XG: variants seen among roughly 807,000 people sequenced by gnomAD.
XG encodes Xg glycoprotein (Xg blood group), also known as glycoprotein Xg.
In XG, 24 loss-of-function variants were observed where a neutral mutation model predicts 25.7. The observed-to-expected ratio is 0.93, with a 90% CI of 0.68 to 1.31. XG has a LOEUF of 1.31. XG is among the 40% of genes most tolerant of loss of function. XG has a pLI of 0.00. For synonymous variants in XG, 77 were observed against 69.2 expected, an observed-to-expected ratio of 1.11 and a Z score of -0.56; for missense variants, 181 against 187.6, an observed-to-expected ratio of 0.96 and a Z score of 0.21.
intron 1 of XG, among the ~76,000 whole-genome samples, chrX:2,755,161 C>T (rs73630857): frequency 0.012 from 1,877 of 152,186 alleles, 34 homozygotes; most frequent in African/African-American, 0.041. Flanking sequence ...TCTTGGATCT[C>T]GCTCCATAAA....
In XG at chrX:2,792,356, T is replaced by A. The variant is rs148439244; in HGVS notation, c.254-2179T>A. Among the ~76,000 whole-genome samples, 621 of 110,198 alleles carry A rather than the reference T, an allele frequency of 5.6e-3. 7 individuals are homozygous for A. The highest frequency in any genetic ancestry group is 0.018 in the African/African-American group (554 of 30,289). On this transcript the variant is annotated intron_variant, in intron 5 of 10. Coordinates refer to ENST00000644266, the MANE Select transcript of XG (RefSeq NM_001141919.2). ...CCTTTTTTATTATTTTTTCTTTGAG[T>A]CAGGGACTTGCTTGGTTGCCTAGGC...
chrX:2,763,180 AT>A (rs1040477234), intron 1 of XG, among the ~76,000 whole-genome samples: 2 of 151,928 alleles, frequency 1.3e-5, no homozygotes, highest in Non-Finnish European at 2.9e-5. Flanking sequence ...CCACGCCCAC[AT>A]TTTTGTATTT....
At chrX:2,807,880 G>A (rs1414130054) in intron 8 of XG, among the ~76,000 whole-genome samples, 2 of 111,875 alleles carry the variant, frequency 1.8e-5, no homozygotes, top group African/African-American at 6.5e-5. Flanking sequence ...GTGTCCATGG[G>A]GTTGTCAGCC....
intron 3 of XG, among the ~76,000 whole-genome samples, chrX:2,778,583 G>T (rs2051051639): frequency 6.6e-6 from 1 of 152,026 alleles, no homozygotes; most frequent in Non-Finnish European, 1.5e-5. Context: ...GAAAACCGTA[G>T]CTCAGAGACA....
chrX:2,779,370 T>A (rs1264549675), intron 3 of XG, among the ~76,000 whole-genome samples: 4 of 150,278 alleles, frequency 2.7e-5, no homozygotes, highest in African/African-American at 9.8e-5. Context: ...AAAAATGGGT[T>A]AGCCTATGTC....
In XG at chrX:2,814,604, G is replaced by C; in HGVS notation, c.*224G>C. 2.5e-6 allele frequency: 1 copy of C among 396,960 alleles called. No individual in the cohort carries two copies. Among genetic ancestry groups the C allele is most frequent in the Non-Finnish European group, 4.2e-6 (1 of 239,526 alleles). The allele number at this position is 396,960 out of a possible 1,213,427, so 32.7% of individuals were successfully genotyped here. A position where few individuals can be genotyped will look rare whatever the true frequency, so the allele number is the denominator to read the frequency against. ...CAGCTAGACCCTGCGTTCTAAAAAA[G>C]GATTGCTTGCAATGTTGGTTTGGCT... On this transcript the variant is annotated 3_prime_UTR_variant, in exon 11 of 11. Transcript: ENST00000644266.
intron 3 of XG, among the ~76,000 whole-genome samples, chrX:2,778,514 C>T (rs947347238): frequency 6.6e-6 from 1 of 152,010 alleles, no homozygotes; most frequent in African/African-American, 2.4e-5. Flanking sequence ...TGCACTCCAG[C>T]CTGCGTGACA....
intron 5 of XG, among the ~76,000 whole-genome samples, chrX:2,793,096 G>T (rs779875545): frequency 9.1e-6 from 1 of 109,699 alleles, no homozygotes; most frequent in South Asian, 4.0e-4. Flanking sequence ...GAGACAGGGG[G>T]TCTCACTATG....
intron 7 of XG, among the ~76,000 whole-genome samples, chrX:2,805,425 C>G (rs768715601): frequency 9.0e-6 from 1 of 111,649 alleles, no homozygotes; most frequent in Non-Finnish European, 1.9e-5. Flanking sequence ...CCTGAAGCCT[C>G]TCTCCTTGGC....
intron 2 of XG, among the ~76,000 whole-genome samples, chrX:2,774,209 C>T (rs1414496508): frequency 1.3e-5 from 2 of 152,152 alleles, no homozygotes; most frequent in Admixed American, 1.3e-4. Flanking sequence ...CCTCGTCTGC[C>T]CATCCACACT....
chrX:2,796,544 A>G (rs948337774), intron 6 of XG, among the ~76,000 whole-genome samples: 1 of 110,542 alleles, frequency 9.0e-6, no homozygotes, highest in Non-Finnish European at 1.9e-5. Flanking sequence ...ACAGACATAT[A>G]TAAACACTTC....
Position 2,774,802 on chromosome X carries a change from G to A in XG, c.127+63G>A, listed in dbSNP as rs1294363009. 1.0e-5 allele frequency: 16 copies of A among 1,590,116 alleles called. No individual in the cohort carries two copies. In the East Asian group the frequency reaches 3.6e-4, roughly 36 times the overall value. On this transcript the variant is annotated intron_variant, in intron 3 of 10. Transcript: ENST00000644266. ...TCCTTGAACTGATGCTTACGGAGGG[G>A]ATGGTTGAGGATGTTTTACAGAACT...
intron 7 of XG, among the ~76,000 whole-genome samples, chrX:2,804,114 A>G (rs766863939): frequency 1.4e-3 from 155 of 112,486 alleles, no homozygotes; most frequent in Non-Finnish European, 2.4e-3. Context: ...AAGTGCTGGG[A>G]TTATAGGCTT....
intron 1 of XG, among the ~76,000 whole-genome samples, chrX:2,763,758 T>C (rs1218032589): frequency 2.6e-5 from 4 of 151,936 alleles, no homozygotes; most frequent in African/African-American, 9.7e-5. Context: ...ACCCAGGAGG[T>C]TGGGTCTTGA....
chrX:2,813,487 C>G (rs1193761672), intron 10 of XG, among the ~76,000 whole-genome samples: 1 of 112,328 alleles, frequency 8.9e-6, no homozygotes, highest in Non-Finnish European at 1.9e-5. Flanking sequence ...CTGTCCACCT[C>G]TCCTTAGTTA....
At chrX:2,774,692 T>C (rs763448610) in intron 2 of XG, 24 bp from the exon 3 acceptor site, 7 of 1,613,780 alleles carry the variant, frequency 4.3e-6, no homozygotes, top group Non-Finnish European at 8.5e-7. Context: ...GCATATTGCA[T>C]TTATTTTCTC....
chrX:2,762,552 G>C (rs2050588458), intron 1 of XG, among the ~76,000 whole-genome samples: 1 of 152,072 alleles, frequency 6.6e-6, no homozygotes, highest in Non-Finnish European at 1.5e-5. Context: ...GGAGACTCCA[G>C]CTGTGTTTGA....
At chrX:2,770,016 TGGAGGGG>T (rs2050779535) in intron 1 of XG, among the ~76,000 whole-genome samples, 1 of 45,582 alleles carries the variant, frequency 2.2e-5, no homozygotes, top group Non-Finnish European at 4.3e-5. Context: ...TGTGCGTGTG[TGGAGGGG>T]TGGGGGGGGC....
At chrX:2,790,039 A>G (rs2086822578) in intron 5 of XG, among the ~76,000 whole-genome samples, 1 of 109,845 alleles carries the variant, frequency 9.1e-6, no homozygotes, top group Admixed American at 9.8e-5. Context: ...CACCACCTAT[A>G]TTGGCTATAT....
Sources: allele counts gnomAD v4.1 joint callset (sites outside exome capture counted in the v4.1 genomes callset), GRCh38; gene constraint gnomAD v4.1.1; transcripts MANE v1.5; gene names NCBI Gene and HGNC (gene_info 2026-07-23, HGNC 2026-07-21).